The following CELF4 variants were observed in gnomAD, a reference collection of about 807,000 sequenced individuals.
CELF4 encodes CUG-BP- and ETR-3-like factor 4.
CELF4 carries 18 observed loss-of-function variants against 59.9 expected under a neutral mutation model. That is an observed-to-expected ratio of 0.30 (90% CI 0.21 to 0.45). The LOEUF (loss-of-function observed/expected upper bound fraction) is 0.45, where lower values mean the gene tolerates loss of function less well. Among genes scored for constraint, CELF4 ranks in the 20% least tolerant of loss-of-function variants. The pLI, the probability that CELF4 is intolerant of heterozygous loss-of-function variation, is 1.00. For missense variants in CELF4, 456 were observed against 689.0 expected (o/e 0.66, Z 3.79); for synonymous variants, 261 against 267.1 (o/e 0.98, Z 0.22).
chr18:37,482,122 G>A (rs908114470), intron 2 of CELF4, among the ~76,000 whole-genome samples: 1 of 150,024 alleles, frequency 6.7e-6, no homozygotes, highest in Non-Finnish European at 1.5e-5. Flanking sequence ...GTGTGTGTGT[G>A]GCTTCCATCC....
At chr18:37,343,842 C>T (rs1010737594) in intron 2 of CELF4, among the ~76,000 whole-genome samples, 2 of 152,062 alleles carry the variant, frequency 1.3e-5, no homozygotes, top group Non-Finnish European at 2.9e-5. Context: ...ACTCCCAAAC[C>T]CTCACCTTTC....
intron 2 of CELF4, among the ~76,000 whole-genome samples, chr18:37,337,297 A>T (rs2154544586): frequency 6.6e-6 from 1 of 152,104 alleles, no homozygotes; most frequent in Admixed American, 6.5e-5. Context: ...GGTGAGCCTC[A>T]CACCCTCCCC....
At chr18:37,485,158 G>T (rs1054762911) in intron 2 of CELF4, among the ~76,000 whole-genome samples, 10 of 151,950 alleles carry the variant, frequency 6.6e-5, no homozygotes, top group African/African-American at 2.4e-4. Flanking sequence ...CCCCTCCCAC[G>T]CCGGCCCCCT....
At chr18:37,353,922 AT>A (rs779655269) in intron 2 of CELF4, among the ~76,000 whole-genome samples, 3 of 151,550 alleles carry the variant, frequency 2.0e-5, no homozygotes, top group Non-Finnish European at 4.4e-5. Flanking sequence ...CGCCCAGCTA[AT>A]TTTTTGTATT....
chr18:37,366,812 A>G (rs925348938), intron 2 of CELF4, among the ~76,000 whole-genome samples: 1 of 151,426 alleles, frequency 6.6e-6, no homozygotes. Flanking sequence ...TATTTTTCCC[A>G]CTACATCCAG....
chr18:37,404,473 G>A (rs1415635175), intron 2 of CELF4, among the ~76,000 whole-genome samples: 1 of 152,228 alleles, frequency 6.6e-6, no homozygotes, highest in Non-Finnish European at 1.5e-5. Flanking sequence ...ACAGGGCAGG[G>A]AACTTGGAAA....
chr18:37,485,485 C>T, intron 2 of CELF4, 40 bp downstream of exon 2: 3 of 1,260,108 alleles, frequency 2.4e-6, no homozygotes, highest in Non-Finnish European at 3.0e-6. Context: ...CGCCCCCTGT[C>T]GGCGCGTCGG....
chr18:37,298,881 G>T (rs1490067110), intron 3 of CELF4, among the ~76,000 whole-genome samples: 1 of 152,178 alleles, frequency 6.6e-6, no homozygotes, highest in African/African-American at 2.4e-5. Context: ...TGTAGTCATG[G>T]CTTTCCTTTG....
chr18:37,324,052 C>G (rs2097212714), intron 2 of CELF4, among the ~76,000 whole-genome samples: 1 of 152,092 alleles, frequency 6.6e-6, no homozygotes, highest in South Asian at 2.1e-4. Context: ...ACCCCCACCC[C>G]ACAAAATCTG....
At chr18:37,469,360 C>A (rs1248635762) in intron 2 of CELF4, among the ~76,000 whole-genome samples, 1 of 152,134 alleles carries the variant, frequency 6.6e-6, no homozygotes, top group African/African-American at 2.4e-5. Flanking sequence ...GCCGGGGAAG[C>A]AGCAGACAGT....
At chr18:37,409,651 G>A (rs1036458976) in intron 2 of CELF4, among the ~76,000 whole-genome samples, 5 of 152,122 alleles carry the variant, frequency 3.3e-5, no homozygotes, top group South Asian at 2.1e-4. Context: ...AGACCCTGGC[G>A]GGGGGTGAAG....
At chr18:37,325,404 C>T (rs886887197) in intron 2 of CELF4, among the ~76,000 whole-genome samples, 8 of 152,182 alleles carry the variant, frequency 5.3e-5, no homozygotes, top group Admixed American at 1.3e-4. Context: ...TCTGAAATGA[C>T]GGGTCCCATT....
intron 2 of CELF4, among the ~76,000 whole-genome samples, chr18:37,448,888 C>T (rs887519345): frequency 1.3e-5 from 2 of 152,350 alleles, no homozygotes; most frequent in South Asian, 4.1e-4. Context: ...ACCCTCTGGG[C>T]CCACACGCCA....
intron 2 of CELF4, among the ~76,000 whole-genome samples, chr18:37,466,586 A>G (rs541804479): frequency 2.0e-5 from 3 of 152,302 alleles, no homozygotes; most frequent in Admixed American, 2.0e-4. Context: ...GTACCCATGC[A>G]GCCACCCACA....
At chr18:37,387,797 A>G (rs896533118) in intron 2 of CELF4, among the ~76,000 whole-genome samples, 2 of 152,200 alleles carry the variant, frequency 1.3e-5, no homozygotes, top group Non-Finnish European at 2.9e-5. Context: ...CTGTAATCCC[A>G]GTAGATCTTG....
At chr18:37,324,896 G>A (rs550454162) in intron 2 of CELF4, among the ~76,000 whole-genome samples, 5 of 152,296 alleles carry the variant, frequency 3.3e-5, no homozygotes, top group South Asian at 2.1e-4. Context: ...GGTCACAAAG[G>A]TTGTAAATGG....
intron 11 of CELF4, 91 bp downstream of exon 11, chr18:37,259,090 T>A (rs751453272): frequency 2.5e-6 from 4 of 1,595,260 alleles, no homozygotes; most frequent in Non-Finnish European, 3.4e-6. Context: ...CTGTCCTAGG[T>A]GAAGCTAATT....
intron 2 of CELF4, among the ~76,000 whole-genome samples, chr18:37,338,793 TG>T (rs770505366): frequency 1.1e-4 from 12 of 106,488 alleles, no homozygotes; most frequent in South Asian, 3.2e-4. Context: ...TGTGTGTGTG[TG>T]GTGTGTGTGA....
At chr18:37,501,895 C>G (rs1212737913) in intron 1 of CELF4, among the ~76,000 whole-genome samples, 6 of 152,216 alleles carry the variant, frequency 3.9e-5, no homozygotes, top group Non-Finnish European at 7.3e-5. Context: ...CTCTCTTTCT[C>G]TCTCCATTTT....
Sources: allele counts gnomAD v4.1 joint callset (sites outside exome capture counted in the v4.1 genomes callset), GRCh38; gene constraint gnomAD v4.1.1; transcripts MANE v1.5; gene names NCBI Gene and HGNC (gene_info 2026-07-23, HGNC 2026-07-21).